The following SRPK2 variants were observed in gnomAD, a reference collection of about 807,000 sequenced individuals.
SRPK2 encodes the protein SFRS protein kinase 2.
SRPK2 carries 21 observed loss-of-function variants against 90.8 expected under a neutral mutation model. That is an observed-to-expected ratio of 0.23 (90% CI 0.16 to 0.33). The LOEUF is 0.33. Ranked by LOEUF, SRPK2 falls within the 10% of genes least tolerant of loss-of-function variation. The probability of loss-of-function intolerance (pLI) is 1.00; values close to 1 mark genes in which losing one functional copy is unlikely to be tolerated. For missense variants in SRPK2, 620 were observed against 869.0 expected (o/e 0.71, Z 3.60); for synonymous variants, 288 against 311.1 (o/e 0.93, Z 0.78).
chr7:105,160,760 G>A, intron 6 of SRPK2, 147 bp from the exon 7 acceptor site: 1 of 565,724 alleles, frequency 1.8e-6, no homozygotes, highest in South Asian at 2.3e-5. Flanking sequence ...GTGAGAAAAT[G>A]TTGTATCTCA....
chr7:105,381,530 C>T (rs1820953930), intron 2 of SRPK2, among the ~76,000 whole-genome samples: 1 of 152,140 alleles, frequency 6.6e-6, no homozygotes, highest in Non-Finnish European at 1.5e-5. Flanking sequence ...CTAAATCTTA[C>T]AGTTCTCATC....
intron 3 of SRPK2, among the ~76,000 whole-genome samples, chr7:105,199,941 A>G (rs1444099452): frequency 6.6e-6 from 1 of 150,642 alleles, no homozygotes; most frequent in East Asian, 1.9e-4. Context: ...AAAAGAGTAG[A>G]CTCCAGGGCT....
chr7:105,141,009 G>C (rs1803669507), intron 11 of SRPK2, among the ~76,000 whole-genome samples: 1 of 151,802 alleles, frequency 6.6e-6, no homozygotes, highest in South Asian at 2.1e-4. Context: ...AACTGCAACA[G>C]CAACAATAAG....
At chr7:105,143,799 A>G (rs1436030386) in intron 9 of SRPK2, 1 of 161,736 alleles carries the variant, frequency 6.2e-6, no homozygotes, top group East Asian at 1.8e-4. Context: ...AGACAACATG[A>G]ACTGTAAGAG....
intron 2 of SRPK2, among the ~76,000 whole-genome samples, chr7:105,208,303 G>A (rs1796448476): frequency 6.6e-6 from 1 of 152,124 alleles, no homozygotes. Flanking sequence ...ATATACCCAA[G>A]AGAAATGAAA....
chr7:105,124,903 G>A (rs1434064984), intron 15 of SRPK2, among the ~76,000 whole-genome samples: 1 of 151,732 alleles, frequency 6.6e-6, no homozygotes, highest in African/African-American at 2.4e-5. Flanking sequence ...AGGCTAAGGC[G>A]GGTGGATCAC....
At chr7:105,343,548 C>T (rs2131922529) in intron 2 of SRPK2, among the ~76,000 whole-genome samples, 1 of 152,336 alleles carries the variant, frequency 6.6e-6, no homozygotes, top group African/African-American at 2.4e-5. Context: ...TCTGTGTGTT[C>T]AGGTGTCCAA....
chr7:105,142,929 C>A (rs182900116), intron 10 of SRPK2, among the ~76,000 whole-genome samples, 155 bp downstream of exon 10: 1 of 152,182 alleles, frequency 6.6e-6, no homozygotes, highest in Non-Finnish European at 1.5e-5. Context: ...AAATGAAGTA[C>A]GAGGCTATTT....
At chr7:105,345,093 A>C (rs1816299863) in intron 2 of SRPK2, among the ~76,000 whole-genome samples, 1 of 150,746 alleles carries the variant, frequency 6.6e-6, no homozygotes, top group Non-Finnish European at 1.5e-5. Flanking sequence ...CCAAGATCGC[A>C]CCATTGCACT....
chr7:105,135,363 G>T (rs1802642569), intron 11 of SRPK2, among the ~76,000 whole-genome samples: 1 of 152,122 alleles, frequency 6.6e-6, no homozygotes, highest in Admixed American at 6.5e-5. Flanking sequence ...CCAGACGCAG[G>T]GGCTTCCCTC....
intron 3 of SRPK2, among the ~76,000 whole-genome samples, chr7:105,185,174 A>C (rs1362041642): frequency 6.6e-6 from 1 of 152,122 alleles, no homozygotes; most frequent in East Asian, 1.9e-4. Context: ...AGAATGAGAA[A>C]GTCTTAGCTG....
intron 2 of SRPK2, among the ~76,000 whole-genome samples, chr7:105,261,800 T>C (rs1006291633): frequency 2.0e-5 from 3 of 152,224 alleles, no homozygotes; most frequent in African/African-American, 7.2e-5. Flanking sequence ...CAAATGTCAC[T>C]GATACGCCCC....
intron 3 of SRPK2, among the ~76,000 whole-genome samples, chr7:105,170,740 A>AAAGGGAGG (rs1020171638): frequency 2.9e-5 from 2 of 67,848 alleles, no homozygotes; most frequent in Non-Finnish European, 5.9e-5. Flanking sequence ...GAAAGGGAAG[A>AAAGGGAGG]AAGGGAGGAA....
chr7:105,266,491 T>G (rs763130566), intron 2 of SRPK2, among the ~76,000 whole-genome samples: 3 of 152,142 alleles, frequency 2.0e-5, no homozygotes, highest in Admixed American at 2.0e-4. Context: ...GAATGATAAC[T>G]TTTGGTTTGC....
At chr7:105,254,465 A>G (rs1301940043) in intron 2 of SRPK2, among the ~76,000 whole-genome samples, 3 of 152,248 alleles carry the variant, frequency 2.0e-5, no homozygotes, top group African/African-American at 4.8e-5. Context: ...TCTAAGACTC[A>G]ATCAATAAAA....
chr7:105,319,835 C>G (rs898492812), intron 2 of SRPK2, among the ~76,000 whole-genome samples: 1 of 151,446 alleles, frequency 6.6e-6, no homozygotes, highest in Non-Finnish European at 1.5e-5. Context: ...ACCTCACTTC[C>G]GAGTTCTGGA....
chr7:105,157,093 T>C (rs981308119), intron 7 of SRPK2, among the ~76,000 whole-genome samples: 2 of 152,110 alleles, frequency 1.3e-5, no homozygotes, highest in African/African-American at 2.4e-5. Flanking sequence ...ATGGGCTGTA[T>C]GCACAGAGAG....
chr7:105,180,071 G>C lies in SRPK2; in HGVS notation c.230-10806C>G, dbSNP rs140667455. Among the ~76,000 whole-genome samples the C allele has an allele frequency of 3.6e-3, 541 of 152,168 alleles. 3 individuals carry two copies. Among genetic ancestry groups the C allele is most frequent in the African/African-American group, 0.012 (513 of 41,526 alleles). On this transcript the variant is annotated intron_variant, in intron 3 of 15. Transcript: ENST00000393651. Reference sequence around the variant, plus strand: ...ATAAATGGCATTCTTCACAGAATTAGAAAGATCTTAAAGTCCATAAGGAAC... The same window carrying C: ...ATAAATGGCATTCTTCACAGAATTACAAAGATCTTAAAGTCCATAAGGAAC...
intron 2 of SRPK2, among the ~76,000 whole-genome samples, chr7:105,349,831 C>CCTGTTTT (rs1816942633): frequency 6.6e-6 from 1 of 152,084 alleles, no homozygotes; most frequent in African/African-American, 2.4e-5. Flanking sequence ...CTCCACCTCC[C>CCTGTTTT]AGGTTCAAGC....
Sources: gnomAD v4.1 joint callset for allele counts (sites outside exome capture counted in the v4.1 genomes callset) on GRCh38, gnomAD v4.1.1 for gene constraint, MANE v1.5 for transcripts, NCBI Gene and HGNC (gene_info 2026-07-23, HGNC 2026-07-21) for gene names.